CELF2: variants seen among roughly 807,000 people sequenced by gnomAD.
CELF2 encodes CUG triplet repeat RNA-binding protein 2.
CELF2 carries 8 observed loss-of-function variants against 62.6 expected under a neutral mutation model. The ratio of observed to expected loss-of-function variants is 0.13; its 90% CI spans 0.07 to 0.23. CELF2 has a LOEUF of 0.23. Among genes scored for constraint, CELF2 ranks in the 10% least tolerant of loss-of-function variants. The pLI is 1.00. For synonymous variants in CELF2, 258 were observed against 250.0 expected (o/e 1.03, Z -0.30); for missense variants, 333 against 671.0 (o/e 0.50, Z 5.56).
At chr10:10,478,288 C>A in the CELF2 span, among the ~76,000 whole-genome samples, 1 of 152,096 alleles carries the variant, frequency 6.6e-6, no homozygotes, top group Non-Finnish European at 1.5e-5. Context: ...CAATGAAAAG[C>A]TTTATTTATT....
chr10:11,092,571 A>G (rs1420293028), intron 1 of CELF2, among the ~76,000 whole-genome samples: 2 of 152,250 alleles, frequency 1.3e-5, no homozygotes, highest in African/African-American at 4.8e-5. Context: ...ATGCAGAAAT[A>G]TGATTGGAGG....
intron 2 of CELF2, among the ~76,000 whole-genome samples, chr10:10,962,082 A>AGAGG (rs1440078146): frequency 2.6e-5 from 4 of 151,656 alleles, no homozygotes; most frequent in South Asian, 2.1e-4. Context: ...AAGAAAAGAG[A>AGAGG]GAGGGAGGGA....
At chr10:11,041,232 C>G (rs2061789897) in intron 1 of CELF2, among the ~76,000 whole-genome samples, 1 of 152,224 alleles carries the variant, frequency 6.6e-6, no homozygotes, top group African/African-American at 2.4e-5. Context: ...AAAGGCCCCA[C>G]TTCCTAACAC....
intron 1 of CELF2, among the ~76,000 whole-genome samples, chr10:11,100,223 A>T (rs1447046464): frequency 1.3e-5 from 2 of 150,026 alleles, no homozygotes; most frequent in Non-Finnish European, 3.0e-5. Context: ...AAATAAATAA[A>T]ATAAATAAAT....
chr10:11,070,628 G>A (rs1015013835), intron 1 of CELF2, among the ~76,000 whole-genome samples: 6 of 152,068 alleles, frequency 3.9e-5, no homozygotes, highest in African/African-American at 1.4e-4. Flanking sequence ...AAATCATCTG[G>A]GGGGAGGGGT....
At chr10:11,175,350 T>C (rs952913246) in intron 2 of CELF2, among the ~76,000 whole-genome samples, 1 of 152,064 alleles carries the variant, frequency 6.6e-6, no homozygotes, top group African/African-American at 2.4e-5. Flanking sequence ...GGAAAGGCTG[T>C]AGCAAGACAT....
At chr10:10,916,601 T>A (rs930834697) in intron 1 of CELF2, among the ~76,000 whole-genome samples, 5 of 152,196 alleles carry the variant, frequency 3.3e-5, no homozygotes, top group African/African-American at 1.2e-4. Flanking sequence ...GTCCACCATT[T>A]GGAATTTCTT....
chr10:10,653,970 G>T, the CELF2 span, among the ~76,000 whole-genome samples: 4 of 151,598 alleles, frequency 2.6e-5, no homozygotes, highest in Non-Finnish European at 2.9e-5. Flanking sequence ...TAGACCGCTA[G>T]CAAGACTAAT....
intron 1 of CELF2, among the ~76,000 whole-genome samples, chr10:11,060,787 T>C (rs561462387): frequency 6.6e-6 from 1 of 152,218 alleles, no homozygotes; most frequent in Non-Finnish European, 1.5e-5. Flanking sequence ...TTTCAAACTT[T>C]ATTATAACTG....
Position 11,285,997 on chromosome 10 carries a change from C to T in CELF2, c.842-2421C>T, listed in dbSNP as rs910596729. 6.6e-6 allele frequency among the ~76,000 whole-genome samples: 1 copy of T among 152,084 alleles called. No homozygotes were observed. Among genetic ancestry groups the T allele is most frequent in the South Asian group, 2.1e-4 (1 of 4,834 alleles). On this transcript the variant is annotated intron_variant, in intron 8 of 12. Coordinates refer to ENST00000633077, the MANE Select transcript of CELF2 (RefSeq NM_001326342.2). The surrounding 1 kb of genome is among the most constrained non-coding windows in gnomAD (Gnocchi z 4.3). ...TCAACATAGGGTATGATGAGAGCCA[C>T]GAAAGAGTTATAAACAAACAGATAA...
chr10:11,326,729 C>T (rs995911091), intron 12 of CELF2, among the ~76,000 whole-genome samples: 2 of 152,142 alleles, frequency 1.3e-5, no homozygotes, highest in Non-Finnish European at 2.9e-5. Context: ...GTTTACAGGC[C>T]AGGATGTTCA....
rs2054734578 is a variant in CELF2 at position 11,110,122 on chromosome 10, A to G, written c.75-55364A>G. ...AAAAATTTTTAAAAATTAGTTGGGC[A>G]TGGTGGCATGCTCCTGTAGTCCCAG... On this transcript the variant is annotated intron_variant, in intron 1 of 12. Transcript: ENST00000633077. This position sits in a 1 kb window ranked among gnomAD's most constrained non-coding sequence, Gnocchi z 4.0. Among the ~76,000 whole-genome samples the G allele has an allele frequency of 6.6e-6, 1 of 152,154 alleles. No individual in the cohort carries two copies. The highest frequency in any genetic ancestry group is 2.4e-5 in the African/African-American group (1 of 41,418).
At chr10:11,063,619 A>G (rs1446796287) in intron 1 of CELF2, among the ~76,000 whole-genome samples, 1 of 152,242 alleles carries the variant, frequency 6.6e-6, no homozygotes, top group African/African-American at 2.4e-5. Flanking sequence ...TGAAATCTAA[A>G]TATCATATCC....
chr10:10,985,813 T>TC (rs1473559510), intron 2 of CELF2, among the ~76,000 whole-genome samples: 1 of 152,198 alleles, frequency 6.6e-6, no homozygotes, highest in Non-Finnish European at 1.5e-5. Flanking sequence ...CAAAGCTGGG[T>TC]CTGCACGTGG....
chr10:10,470,553 A>G, the CELF2 span, among the ~76,000 whole-genome samples: 2 of 151,934 alleles, frequency 1.3e-5, no homozygotes, highest in South Asian at 4.1e-4. Context: ...AGTCACACAT[A>G]TCCCATGACC....
At chr10:10,916,131 T>C (rs2064299124) in intron 1 of CELF2, among the ~76,000 whole-genome samples, 1 of 152,240 alleles carries the variant, frequency 6.6e-6, no homozygotes, top group African/African-American at 2.4e-5. Flanking sequence ...ACAAAAGGTA[T>C]AAATTCATGA....
the CELF2 span, among the ~76,000 whole-genome samples, chr10:10,632,782 T>C: frequency 2.0e-5 from 3 of 152,212 alleles, no homozygotes; most frequent in Non-Finnish European, 2.9e-5. Context: ...CTGAACCTAG[T>C]ATTCCAATTC....
chr10:10,516,684 T>A, the CELF2 span, among the ~76,000 whole-genome samples: 1 of 151,294 alleles, frequency 6.6e-6, no homozygotes, highest in African/African-American at 2.4e-5. Flanking sequence ...GTAAATTATG[T>A]CCATAGATCT....
the CELF2 span, among the ~76,000 whole-genome samples, chr10:10,611,300 C>A: frequency 2.0e-5 from 3 of 152,142 alleles, no homozygotes; most frequent in Admixed American, 6.5e-5. Context: ...ACCAACACAG[C>A]AAGCACTGGG....
Sources: allele counts gnomAD v4.1 joint callset (sites outside exome capture counted in the v4.1 genomes callset), GRCh38; gene constraint gnomAD v4.1.1; non-coding constraint Gnocchi (gnomAD v3.1); transcripts MANE v1.5; gene names NCBI Gene and HGNC (gene_info 2026-07-23, HGNC 2026-07-21).